ERC2: variants seen among roughly 807,000 people sequenced by gnomAD.
ERC2 encodes ELKS/RAB6-interacting/CAST family member 2.
ERC2 carries 42 observed loss-of-function variants against 114.8 expected under a neutral mutation model. The observed-to-expected ratio is 0.37, with a 90% CI of 0.29 to 0.47. ERC2 has a LOEUF of 0.47. Ranked by LOEUF, ERC2 falls within the 20% of genes least tolerant of loss-of-function variation. The probability of loss-of-function intolerance (pLI) is 0.99; values close to 1 mark genes in which losing one functional copy is unlikely to be tolerated. For missense variants in ERC2, 939 were observed against 1,150.7 expected, an observed-to-expected ratio of 0.82 and a Z score of 2.66; for synonymous variants, 454 against 425.5, an observed-to-expected ratio of 1.07 and a Z score of -0.82.
At chr3:56,132,692 A>G (rs2080276511) in intron 6 of ERC2, among the ~76,000 whole-genome samples, 1 of 152,224 alleles carries the variant, frequency 6.6e-6, no homozygotes, top group Non-Finnish European at 1.5e-5. Flanking sequence ...GCATCATCAT[A>G]GAAAATTTAA....
chr3:56,295,143 A>C (rs567442176), intron 3 of ERC2, among the ~76,000 whole-genome samples: 1 of 152,320 alleles, frequency 6.6e-6, no homozygotes, highest in East Asian at 1.9e-4. Flanking sequence ...TCTAGAAGGA[A>C]ATATCTTCTA....
At chr3:56,215,850 C>T (rs1403630321) in intron 3 of ERC2, among the ~76,000 whole-genome samples, 8 of 152,146 alleles carry the variant, frequency 5.3e-5, no homozygotes, top group African/African-American at 7.2e-5. Flanking sequence ...CACTCAAAAC[C>T]GCTCAACTAC....
rs2055308140 is a variant in ERC2 at position 56,294,618 on chromosome 3, A to G, written c.1074+1401T>C. ...TAGAGTCTGCTAGTAAGATGGAAGT[A>G]ACAGTCTTATGTAACCTAATCCTGG... On this transcript the variant is annotated intron_variant, in intron 3 of 17. Coordinates refer to ENST00000288221, the MANE Select transcript of ERC2 (RefSeq NM_015576.3). 2.0e-5 allele frequency among the ~76,000 whole-genome samples: 3 copies of G among 152,252 alleles called. No individual in the cohort carries two copies. The South Asian group carries it at 6.2e-4, about 32-fold the overall frequency.
chr3:55,887,025 C>A (rs1034106153), intron 14 of ERC2, among the ~76,000 whole-genome samples: 1 of 152,178 alleles, frequency 6.6e-6, no homozygotes, highest in African/African-American at 2.4e-5. Flanking sequence ...ATAATGACTA[C>A]AGTGACTCAA....
At chr3:56,339,561 A>G (rs1345266898) in intron 2 of ERC2, among the ~76,000 whole-genome samples, 1 of 152,128 alleles carries the variant, frequency 6.6e-6, no homozygotes, top group Non-Finnish European at 1.5e-5. Context: ...GAAAAGCTTT[A>G]ATCAAGAGAA....
intron 1 of ERC2, among the ~76,000 whole-genome samples, chr3:56,456,117 G>C (rs1371224468): frequency 6.6e-6 from 1 of 152,188 alleles, no homozygotes. Context: ...TTATGGCAAA[G>C]ACTAGAATTC....
At chr3:56,100,152 C>T (rs1047732871) in intron 6 of ERC2, among the ~76,000 whole-genome samples, 1 of 152,118 alleles carries the variant, frequency 6.6e-6, no homozygotes, top group Admixed American at 6.5e-5. Flanking sequence ...TTTTTTGTAA[C>T]ATCTTATTAA....
At chr3:55,860,164 G>A (rs1009943060) in intron 14 of ERC2, among the ~76,000 whole-genome samples, 2 of 152,124 alleles carry the variant, frequency 1.3e-5, no homozygotes, top group Non-Finnish European at 2.9e-5. Context: ...CCTTGTTAAT[G>A]TAACAAAAGA....
chr3:56,357,998 T>C (rs1191350201), intron 2 of ERC2, among the ~76,000 whole-genome samples: 2 of 151,600 alleles, frequency 1.3e-5, no homozygotes, highest in East Asian at 3.9e-4. Context: ...AAATAATGGA[T>C]AAAGACAAGC....
chr3:56,019,859 C>A (rs146789015), intron 7 of ERC2, among the ~76,000 whole-genome samples: 1 of 152,102 alleles, frequency 6.6e-6, no homozygotes, highest in Non-Finnish European at 1.5e-5. Flanking sequence ...CCCCACTATA[C>A]AAACAATTTA....
chr3:56,084,996 G>A (rs2077430803), intron 6 of ERC2, among the ~76,000 whole-genome samples: 1 of 152,024 alleles, frequency 6.6e-6, no homozygotes, highest in Non-Finnish European at 1.5e-5. Flanking sequence ...CTGCCTGAGA[G>A]GATCAGGACA....
chr3:56,120,444 T>C (rs557386355), intron 6 of ERC2, among the ~76,000 whole-genome samples: 4 of 152,146 alleles, frequency 2.6e-5, no homozygotes, highest in African/African-American at 9.6e-5. Context: ...TGAAAAGATA[T>C]CCAAAGAAAA....
intron 3 of ERC2, among the ~76,000 whole-genome samples, chr3:56,237,891 C>T (rs1576010395): frequency 1.4e-5 from 2 of 140,910 alleles, no homozygotes; most frequent in Non-Finnish European, 1.5e-5. Context: ...CTATTTTTTC[C>T]TTTTTTTTTT....
intron 17 of ERC2, among the ~76,000 whole-genome samples, chr3:55,532,427 A>G (rs2053727164): frequency 6.6e-6 from 1 of 152,206 alleles, no homozygotes; most frequent in South Asian, 2.1e-4. Flanking sequence ...ACTCAGTGAG[A>G]TTCATCCCTG....
chr3:55,641,343 A>G (rs2060173777), intron 17 of ERC2, among the ~76,000 whole-genome samples: 1 of 152,148 alleles, frequency 6.6e-6, no homozygotes, highest in Non-Finnish European at 1.5e-5. Context: ...TGAGGTAAGG[A>G]GTTCGAGACC....
At chr3:55,762,074 A>G (rs563388291) in intron 14 of ERC2, among the ~76,000 whole-genome samples, 29 of 151,330 alleles carry the variant, frequency 1.9e-4, no homozygotes, top group African/African-American at 6.6e-4. Flanking sequence ...AGCCATGTGG[A>G]ACTGTGAGTC....
intron 17 of ERC2, among the ~76,000 whole-genome samples, chr3:55,555,587 T>G (rs1269745479): frequency 6.6e-6 from 1 of 152,242 alleles, no homozygotes; most frequent in Admixed American, 6.5e-5. Context: ...TCACACAACT[T>G]GGTTGGATCA....
intron 2 of ERC2, among the ~76,000 whole-genome samples, chr3:56,397,633 G>C (rs1477188122): frequency 6.6e-6 from 1 of 152,074 alleles, no homozygotes; most frequent in Non-Finnish European, 1.5e-5. Context: ...CCATAACTTA[G>C]CCAGTCTCAC....
At chr3:55,988,222 C>A (rs901030192) in intron 11 of ERC2, among the ~76,000 whole-genome samples, 1 of 152,190 alleles carries the variant, frequency 6.6e-6, no homozygotes, top group Non-Finnish European at 1.5e-5. Flanking sequence ...ATATACGTGA[C>A]ATCTGACATT....
Sources: allele counts gnomAD v4.1 joint callset (sites outside exome capture counted in the v4.1 genomes callset), GRCh38; gene constraint gnomAD v4.1.1; transcripts MANE v1.5; gene names NCBI Gene and HGNC (gene_info 2026-07-23, HGNC 2026-07-21).